The following PMS1 variants were observed in gnomAD, a reference collection of about 807,000 sequenced individuals.
PMS1 encodes PMS1 homolog 1, mismatch repair system component, also known as PMS1 protein homolog 1.
In PMS1, 79 loss-of-function variants were observed where a neutral mutation model predicts 93.1. That is an observed-to-expected ratio of 0.85 (90% CI 0.71 to 1.02). PMS1 has a LOEUF of 1.02. PMS1 is among the 50% of genes least tolerant of loss of function. The probability of loss-of-function intolerance (pLI) is 0.00; values close to 1 mark genes in which losing one functional copy is unlikely to be tolerated. For synonymous variants in PMS1, 335 were observed against 363.4 expected (o/e 0.92, Z 0.89); for missense variants, 1,064 against 1,085.3 (o/e 0.98, Z 0.28).
rs1399833515 is a variant in PMS1, at chr2:189,854,626, G to C, written c.1354G>C (p.Glu452Gln). 3 of 1,613,802 alleles carry C rather than the reference G, an allele frequency of 1.9e-6. No homozygotes were observed. The highest frequency in any genetic ancestry group is 1.3e-5 in the African/African-American group (1 of 74,904). ...TGTATCATGGGAGAACTCTCAGACG[G>C]AATATAGTAAAACTTGTTTTATAAG... ...SNVSWENSQT[E>Q]YSKTCFISSV... The change falls in exon 9 of 13, where the codon GAA (glutamate) becomes CAA (glutamine). Residue 452 changes from glutamate (E) to glutamine (Q), a missense_variant. By Grantham distance (29) the Glu-to-Gln change is conservative (BLOSUM62 2). Coordinates refer to ENST00000441310, the MANE Select transcript of PMS1 (RefSeq NM_000534.5).
At chr2:189,834,324 A>G (rs5743085) in intron 5 of PMS1, among the ~76,000 whole-genome samples, 3 of 152,186 alleles carry the variant, frequency 2.0e-5, no homozygotes, top group Admixed American at 6.5e-5. Flanking sequence ...AAGAAATGAG[A>G]TGAGGCTACG....
At chr2:189,855,969 A>G in intron 9 of PMS1, 1 of 437,732 alleles carries the variant, frequency 2.3e-6, no homozygotes, top group African/African-American at 2.1e-5. Flanking sequence ...TTTTAAACGT[A>G]ATCCATCATC....
At position 189,817,598 on chromosome 2, in the gene PMS1, G is replaced by C. The variant is rs2051432594; in HGVS notation, c.419-419G>C. The stretch of plus-strand genomic sequence containing the variant: ...TGAGGTAAATTTAACTAGGTTACCA[G>C]ATATTATTTCAGGTAAGAATTTCCA... On this transcript the variant is annotated intron_variant, in intron 4 of 12. Coordinates refer to ENST00000441310, the MANE Select transcript of PMS1 (RefSeq NM_000534.5). Among the ~76,000 whole-genome samples the C allele has an allele frequency of 2.6e-5, 4 of 152,128 alleles. No individual in the cohort carries two copies. The South Asian group carries it at 8.3e-4, about 31-fold the overall frequency.
intron 4 of PMS1, among the ~76,000 whole-genome samples, chr2:189,808,834 C>A (rs2050575207): frequency 6.6e-6 from 1 of 152,084 alleles, no homozygotes; most frequent in Non-Finnish European, 1.5e-5. Flanking sequence ...AATAGAAATA[C>A]ATCTCTATCT....
At chr2:189,842,989 T>C (rs1355560704) in intron 5 of PMS1, among the ~76,000 whole-genome samples, 2 of 135,544 alleles carry the variant, frequency 1.5e-5, no homozygotes, top group Admixed American at 7.0e-5. Flanking sequence ...CACACACACA[T>C]ATATGTGTGT....
At chr2:189,869,675 G>A (rs1008017195) in intron 11 of PMS1, among the ~76,000 whole-genome samples, 4 of 151,952 alleles carry the variant, frequency 2.6e-5, no homozygotes, top group Non-Finnish European at 4.4e-5. Context: ...AAAATTAGCC[G>A]GGCATGTGGC....
At chr2:189,864,512 C>T (rs183869033) in intron 10 of PMS1, among the ~76,000 whole-genome samples, 3,941 of 147,644 alleles carry the variant, frequency 0.027, 67 homozygotes, top group South Asian at 0.068. Context: ...AAAAGTTAGC[C>T]GGGTGTGATG....
At chr2:189,846,854 C>CT (rs1470843806) in intron 6 of PMS1, among the ~76,000 whole-genome samples, 2 of 148,352 alleles carry the variant, frequency 1.3e-5, no homozygotes, top group South Asian at 2.1e-4. Flanking sequence ...CATTCCACTT[C>CT]TTTTTTTTCT....
chr2:189,810,156 G>A (rs964818296), intron 4 of PMS1, among the ~76,000 whole-genome samples: 11 of 152,150 alleles, frequency 7.2e-5, no homozygotes, highest in Admixed American at 3.3e-4. Flanking sequence ...AAAAGATGAC[G>A]TTTGAGTTTG....
At chr2:189,796,639 C>A (rs980204655) in intron 3 of PMS1, among the ~76,000 whole-genome samples, 11 of 152,162 alleles carry the variant, frequency 7.2e-5, no homozygotes, top group Non-Finnish European at 1.5e-4. Flanking sequence ...TCTTTTGTAT[C>A]TGGCCTATTT....
chr2:189,807,603 T>C (rs2050462881), intron 4 of PMS1, among the ~76,000 whole-genome samples: 1 of 152,248 alleles, frequency 6.6e-6, no homozygotes, highest in African/African-American at 2.4e-5. Flanking sequence ...GCATCACTCA[T>C]ACTTCTCATG....
chr2:189,785,191 T>C (rs888642730), intron 1 of PMS1, among the ~76,000 whole-genome samples: 1 of 152,268 alleles, frequency 6.6e-6, no homozygotes, highest in Non-Finnish European at 1.5e-5. Flanking sequence ...GAAATTGACT[T>C]AAGAGAATGT....
intron 5 of PMS1, among the ~76,000 whole-genome samples, chr2:189,829,518 T>G (rs2052739317): frequency 6.6e-6 from 1 of 152,182 alleles, no homozygotes; most frequent in African/African-American, 2.4e-5. Context: ...ATCCTTCTCT[T>G]GGGCACTCTG....
At chr2:189,828,072 T>C (rs976062287) in intron 5 of PMS1, among the ~76,000 whole-genome samples, 39 of 151,424 alleles carry the variant, frequency 2.6e-4, no homozygotes, top group African/African-American at 6.1e-4. Context: ...TGCAGGCACC[T>C]ACCACCACGC....
intron 5 of PMS1, among the ~76,000 whole-genome samples, chr2:189,819,273 T>C (rs2051608369): frequency 6.6e-6 from 1 of 152,228 alleles, no homozygotes; most frequent in Admixed American, 6.5e-5. Flanking sequence ...ACATTTTCTT[T>C]ATCCATTTAT....
chr2:189,849,388 AT>A (rs2054509353), intron 6 of PMS1, among the ~76,000 whole-genome samples: 1 of 152,042 alleles, frequency 6.6e-6, no homozygotes, highest in African/African-American at 2.4e-5. Context: ...TTGTTTTCAT[AT>A]TCTTCTCTTC....
chr2:189,860,646 A>C (rs1292904878), intron 9 of PMS1, among the ~76,000 whole-genome samples: 1 of 151,960 alleles, frequency 6.6e-6, no homozygotes, highest in African/African-American at 2.4e-5. Context: ...AAGTAATGAG[A>C]ATTAAAGCCC....
chr2:189,814,324 A>C (rs1409111882), intron 4 of PMS1, among the ~76,000 whole-genome samples: 1 of 151,962 alleles, frequency 6.6e-6, no homozygotes, highest in Non-Finnish European at 1.5e-5. Flanking sequence ...CCCAAAAAAA[A>C]ATCATTAGTA....
intron 4 of PMS1, among the ~76,000 whole-genome samples, chr2:189,814,021 G>A (rs921712871): frequency 2.6e-5 from 4 of 152,166 alleles, no homozygotes. Flanking sequence ...TGGTGTGTGT[G>A]TATTTTCCAT....
Sources: gnomAD v4.1 joint callset for allele counts (sites outside exome capture counted in the v4.1 genomes callset) on GRCh38, gnomAD v4.1.1 for gene constraint, MANE v1.5 for transcripts, NCBI Gene and HGNC (gene_info 2026-07-23, HGNC 2026-07-21) for gene names.